The following GTF2IRD1 variants were observed in gnomAD, a reference collection of about 807,000 sequenced individuals.
The protein encoded by GTF2IRD1 is general transcription factor II-I repeat domain-containing protein 1.
In GTF2IRD1, 26 loss-of-function variants were observed where a neutral mutation model predicts 113.2. The observed-to-expected ratio is 0.23, with a 90% CI of 0.17 to 0.32. The LOEUF (loss-of-function observed/expected upper bound fraction) is 0.32. Ranked by LOEUF, GTF2IRD1 falls within the 10% of genes least tolerant of loss-of-function variation. The pLI is 1.00. For missense variants in GTF2IRD1, 864 were observed against 1,280.8 expected (o/e 0.67, Z 4.97); for synonymous variants, 484 against 529.1 (o/e 0.91, Z 1.17).
At chr7:74,473,833 T>C (rs958142446) in intron 1 of GTF2IRD1, among the ~76,000 whole-genome samples, 4 of 152,146 alleles carry the variant, frequency 2.6e-5, no homozygotes, top group African/African-American at 9.7e-5. Flanking sequence ...TATCTTCAGC[T>C]GGGTGCAGTG....
At chr7:74,501,109 C>T (rs1796002484) in intron 1 of GTF2IRD1, among the ~76,000 whole-genome samples, 1 of 152,084 alleles carries the variant, frequency 6.6e-6, no homozygotes, top group African/African-American at 2.4e-5. Context: ...GGGTGCAGGA[C>T]AAGCCCAGGC....
At chr7:74,538,325 G>C in intron 12 of GTF2IRD1, 152 bp downstream of exon 12, 1 of 752,830 alleles carries the variant, frequency 1.3e-6, no homozygotes, top group Admixed American at 2.2e-5. Flanking sequence ...AGGCCTCGCA[G>C]AGCTGAGGTG....
At position 74,590,893 on chromosome 7, in the gene GTF2IRD1, G is replaced by T. The variant is rs1189889175; in HGVS notation, c.2467G>T (p.Val823Leu). The change falls in exon 24 of 27, where the codon GTG (valine) becomes TTG (leucine). Residue 823 changes from valine (V) to leucine (L), a missense_variant. Coordinates refer to ENST00000424337, the MANE Select transcript of GTF2IRD1 (RefSeq NM_005685.4). ...YKLIRDSPDA[V>L]EVTGLPDDIP... ...ACTAATCCGGGACAGCCCAGACGCC[G>T]TGGAGGTCACGGGTCTGCCTGATGA... The T allele has an allele frequency of 1.2e-6, 2 of 1,613,584 alleles. No individual in the cohort carries two copies. Among genetic ancestry groups the T allele is most frequent in the East Asian group, 4.5e-5 (2 of 44,880 alleles).
At chr7:74,544,641 T>G (rs1554352634) in intron 14 of GTF2IRD1, 114 bp from the exon 15 acceptor site, 1 of 951,032 alleles carries the variant, frequency 1.1e-6, no homozygotes, top group Non-Finnish European at 1.7e-6. Context: ...GGTGCCATGC[T>G]TCAGAGTTGG....
chr7:74,601,060 T>C lies in GTF2IRD1; in HGVS notation c.2646T>C (p.Ile882=). The C allele has an allele frequency of 6.2e-7, 1 of 1,614,054 alleles. No individual in the cohort carries two copies. Among genetic ancestry groups the C allele is most frequent in the Non-Finnish European group, 8.5e-7 (1 of 1,180,000 alleles). The part of the protein sequence containing the change: ...DAKVPAKDSS[I]PKRKRKRVSE... The stretch of plus-strand genomic sequence containing the variant: ...TCCTTCCAGCCAAAGACAGCAGCAT[T>C]CCCAAGCGCAAGAGAAAGCGGGTCT... Residue 882 remains isoleucine (I), a synonymous_variant, in exon 26 of 27, where the codon ATT becomes ATC. Transcript: ENST00000424337.
chr7:74,515,641 G>A, intron 4 of GTF2IRD1, 45 bp downstream of exon 4: 1 of 1,563,714 alleles, frequency 6.4e-7, no homozygotes, highest in East Asian at 2.3e-5. Context: ...GGGAGGGTGG[G>A]AGCCTCGGTC....
intron 1 of GTF2IRD1, among the ~76,000 whole-genome samples, chr7:74,465,736 C>CGTGGGGT (rs1269479782): frequency 7.2e-5 from 11 of 151,986 alleles, no homozygotes; most frequent in Non-Finnish European, 1.5e-4. Flanking sequence ...CCCCTCTGTC[C>CGTGGGGT]GTGGGGTGTG....
intron 22 of GTF2IRD1, chr7:74,572,484 A>G (rs1385578273): frequency 1.3e-5 from 7 of 543,950 alleles, no homozygotes; most frequent in Non-Finnish European, 1.6e-5. Flanking sequence ...CTGATTTTAG[A>G]TAAGTTAACT....
intron 1 of GTF2IRD1, among the ~76,000 whole-genome samples, chr7:74,480,321 G>A (rs964740987): frequency 2.0e-5 from 3 of 152,050 alleles, no homozygotes; most frequent in African/African-American, 4.8e-5. Context: ...TTGTCCCCAC[G>A]TGTGTGTGTG....
At chr7:74,506,432 GTCC>G (rs1439150049) in intron 1 of GTF2IRD1, 2 of 152,184 alleles carry the variant, frequency 1.3e-5, no homozygotes, top group African/African-American at 2.4e-5. Context: ...CAGCCCCATG[GTCC>G]TCCTGCCTGG....
intron 14 of GTF2IRD1, among the ~76,000 whole-genome samples, chr7:74,543,197 G>A (rs1554352237): frequency 6.6e-6 from 1 of 152,206 alleles, no homozygotes; most frequent in African/African-American, 2.4e-5. Context: ...AGCTATTTGG[G>A]AGGCTGAAGC....
At position 74,469,454 on chromosome 7, in the gene GTF2IRD1, G is replaced by A. The variant is rs183367510; in HGVS notation, c.-7+15278G>A. Among the ~76,000 whole-genome samples, 248 of 151,856 alleles carry A rather than the reference G, an allele frequency of 1.6e-3. 1 individual carries two copies. The highest frequency in any genetic ancestry group is 5.8e-3 in the African/African-American group (238 of 41,368). On this transcript the variant is annotated intron_variant, in intron 1 of 26. Transcript: ENST00000424337. Reference sequence around the variant, plus strand: ...CTCATTCCCTCCTCCCCCATCCCCTGGCAACCACTAATTTACTTTCCATCT... The same window carrying A: ...CTCATTCCCTCCTCCCCCATCCCCTAGCAACCACTAATTTACTTTCCATCT...
At chr7:74,496,734 G>A (rs2129746553) in intron 1 of GTF2IRD1, among the ~76,000 whole-genome samples, 1 of 152,098 alleles carries the variant, frequency 6.6e-6, no homozygotes, top group South Asian at 2.1e-4. Flanking sequence ...TGCTTGTTAG[G>A]TGCCCCCTCC....
chr7:74,588,611 A>C (rs181144656), intron 22 of GTF2IRD1, among the ~76,000 whole-genome samples: 1 of 151,534 alleles, frequency 6.6e-6, no homozygotes, highest in Non-Finnish European at 1.5e-5. Context: ...GCTCACTGCA[A>C]CCTCCACCTT....
intron 2 of GTF2IRD1, among the ~76,000 whole-genome samples, chr7:74,510,296 G>A (rs1796547573): frequency 6.7e-6 from 1 of 149,176 alleles, no homozygotes; most frequent in African/African-American, 2.5e-5. Context: ...GTGACATGTG[G>A]CTATTTGCAA....
chr7:74,502,212 T>C (rs1329680352), intron 1 of GTF2IRD1, among the ~76,000 whole-genome samples: 1 of 152,234 alleles, frequency 6.6e-6, no homozygotes, highest in Non-Finnish European at 1.5e-5. Flanking sequence ...GTGCTGGAAT[T>C]ATAGGCGTGA....
At chr7:74,468,412 C>G (rs1323924242) in intron 1 of GTF2IRD1, among the ~76,000 whole-genome samples, 5 of 150,064 alleles carry the variant, frequency 3.3e-5, no homozygotes, top group African/African-American at 1.2e-4. Flanking sequence ...GTAATCCCAG[C>G]ACTTTGGGAG....
At chr7:74,508,565 C>T (rs1796431295) in intron 2 of GTF2IRD1, among the ~76,000 whole-genome samples, 1 of 151,974 alleles carries the variant, frequency 6.6e-6, no homozygotes, top group African/African-American at 2.4e-5. Context: ...GTGGCATGCG[C>T]CTGTAATCCC....
rs782737917 is a variant in GTF2IRD1 at position 74,536,196 on chromosome 7, C to A, written c.1330C>A (p.Leu444Met). The change falls in exon 11 of 27, where the codon CTG becomes ATG. Residue 444 changes from leucine to methionine, a missense_variant. Leu to Met is a conservative substitution (Grantham distance 15). Coordinates refer to ENST00000424337, the MANE Select transcript of GTF2IRD1 (RefSeq NM_005685.4). The part of the protein sequence containing the change: ...GNKFTKDTTK[L>M]EPASPPEDTS... ...CAAGTTTACCAAAGACACCACGAAG[C>A]TGGAGCCAGCCAGCCCGCCAGAGGA... 1 of 1,613,700 alleles carries A rather than the reference C, an allele frequency of 6.2e-7. No individual in the cohort carries two copies. Among genetic ancestry groups the A allele is most frequent in the Non-Finnish European group, 8.5e-7 (1 of 1,179,646 alleles).
Sources: gnomAD v4.1 joint callset for allele counts (sites outside exome capture counted in the v4.1 genomes callset) on GRCh38, gnomAD v4.1.1 for gene constraint, MANE v1.5 for transcripts, NCBI Gene and HGNC (gene_info 2026-07-23, HGNC 2026-07-21) for gene names.